ZNF415: variants seen among roughly 807,000 people sequenced by gnomAD.
ZNF415 encodes the protein zinc finger protein 415.
In ZNF415, 5 loss-of-function variants were observed where a neutral mutation model predicts 7.3. The ratio of observed to expected loss-of-function variants is 0.69; its 90% confidence interval spans 0.36 to 1.44. ZNF415 has a LOEUF of 1.44. ZNF415 is among the 40% of genes most tolerant of loss of function. The pLI is 0.04. For synonymous variants in ZNF415, 207 were observed against 226.3 expected (o/e 0.91, Z 0.77); for missense variants, 628 against 664.8 (o/e 0.94, Z 0.61).
At chr19:53,129,727 AG>A (rs1305976394) in intron 1 of ZNF415, 1 of 397,974 alleles carries the variant, frequency 2.5e-6, no homozygotes, top group African/African-American at 2.1e-5. Context: ...ACGACCTGGA[AG>A]GGCCAATGGG....
rs549765827 is a variant in ZNF415, at chr19:53,108,809, G to A, written c.1236C>T (p.Tyr412=). 1 of 1,614,050 alleles carries A rather than the reference G, an allele frequency of 6.2e-7. No homozygotes were observed. Residue 412 remains tyrosine, a synonymous_variant, in exon 4 of 4, where the codon TAC becomes TAT. Transcript: ENST00000243643. Reference sequence around the variant, plus strand: ...AAACCTTACCACATTCATTGCATTTGTAAGGTTTCTCTCCAGTATGAATTC... The same window carrying A: ...AAACCTTACCACATTCATTGCATTTATAAGGTTTCTCTCCAGTATGAATTC... The part of the protein sequence containing the change: ...HWRIHTGEKP[Y]KCNECGKVFS...
At chr19:53,111,193 G>A (rs2086179862) in intron 3 of ZNF415, among the ~76,000 whole-genome samples, 1 of 152,080 alleles carries the variant, frequency 6.6e-6, no homozygotes, top group African/African-American at 2.4e-5. Flanking sequence ...ATAAGAGCTT[G>A]TTTTCTCTTG....
intron 2 of ZNF415, among the ~76,000 whole-genome samples, chr19:53,121,851 A>G (rs1427234751): frequency 6.6e-6 from 1 of 152,188 alleles, no homozygotes; most frequent in Non-Finnish European, 1.5e-5. Flanking sequence ...AGTCAGAGAC[A>G]TACTGATATA....
intron 1 of ZNF415, among the ~76,000 whole-genome samples, chr19:53,130,682 C>T (rs941943796): frequency 4.6e-5 from 7 of 151,850 alleles, no homozygotes; most frequent in East Asian, 3.9e-4. Flanking sequence ...TTTTTTCAGA[C>T]GCAGTCTTGC....
At chr19:53,123,258 C>A (rs1473645694) in intron 1 of ZNF415, among the ~76,000 whole-genome samples, 1 of 152,082 alleles carries the variant, frequency 6.6e-6, no homozygotes, top group African/African-American at 2.4e-5. Context: ...TAGCTCTACT[C>A]ACATGTGGTC....
At chr19:53,119,971 A>C (rs1423995111) in intron 2 of ZNF415, among the ~76,000 whole-genome samples, 1 of 142,118 alleles carries the variant, frequency 7.0e-6, no homozygotes, top group Non-Finnish European at 1.5e-5. Flanking sequence ...CTTTCAAAGA[A>C]GAACTAAGAC....
chr19:53,116,533 A>T (rs2087057294), intron 2 of ZNF415, 100 bp from the exon 3 acceptor site: 1 of 1,480,918 alleles, frequency 6.8e-7, no homozygotes. Context: ...TATAGATTTA[A>T]TTGAAGTGTG....
intron 1 of ZNF415, among the ~76,000 whole-genome samples, chr19:53,127,451 C>T (rs964344809): frequency 6.6e-6 from 1 of 152,212 alleles, no homozygotes. Flanking sequence ...TGACTCCACC[C>T]CACACAAAAG....
chr19:53,114,161 G>A (rs936005909), intron 3 of ZNF415, among the ~76,000 whole-genome samples: 2 of 152,138 alleles, frequency 1.3e-5, no homozygotes, highest in African/African-American at 2.4e-5. Flanking sequence ...GACTCCAGGA[G>A]TGTGTATATC....
At chr19:53,130,596 A>G (rs950892775) in intron 1 of ZNF415, among the ~76,000 whole-genome samples, 2 of 152,220 alleles carry the variant, frequency 1.3e-5, no homozygotes, top group African/African-American at 4.8e-5. Context: ...TATACATGAG[A>G]TGAAAGGGAA....
intron 1 of ZNF415, among the ~76,000 whole-genome samples, chr19:53,126,231 A>C (rs1399072369): frequency 6.6e-6 from 1 of 151,376 alleles, no homozygotes; most frequent in Non-Finnish European, 1.5e-5. Flanking sequence ...AGGGCCCTTC[A>C]TGGAGACCAC....
chr19:53,116,296 A>C lies in ZNF415; in HGVS notation c.136+17T>G. 6.3e-7 allele frequency: 1 copy of C among 1,590,380 alleles called. No homozygotes were observed. The highest frequency in any genetic ancestry group is 1.7e-4 in the Middle Eastern group (1 of 5,936). On this transcript the variant is annotated intron_variant, in intron 3 of 3. Coordinates refer to ENST00000243643, the MANE Select transcript of ZNF415 (RefSeq NM_018355.4). ...ACCAAGGGCAGATTTTGACTTCTGG[A>C]AGAAAATTATCCTCACCCAGGGAGA...
rs536593751 is a variant in ZNF415 at position 53,132,847 on chromosome 19, G to T, written c.-68+9C>A. ...AGCGCAGGTTTAATCTACACAGAGG[G>T]TCACTCACGCTCGACGCCGTCACCT... On this transcript the variant is annotated intron_variant, in intron 1 of 3. Transcript: ENST00000243643. 6.6e-6 allele frequency: 1 copy of T among 152,360 alleles called. No homozygotes were observed. The highest frequency in any genetic ancestry group is 2.1e-4 in the South Asian group (1 of 4,826). The allele number at this position is 152,360 out of a possible 1,614,324, so 9.4% of individuals were successfully genotyped here.
rs1237925261 is a variant in ZNF415, at chr19:53,108,470, T to G, written c.1575A>C (p.Lys525Asn). The change falls in exon 4 of 4, where the codon AAA becomes AAC. Residue 525 changes from lysine to asparagine, a missense_variant. By Grantham distance (94) the Lys-to-Asn change is moderately conservative. Transcript: ENST00000243643. ...TAAAGGACTTCCCACAATCACTACA[T>G]TTGTAAGGTTTCTTTCCAGTATGGA... ...QIIHTGKKPY[K>N]CSDCGKSFSV... is the part of the protein sequence containing the mutation. 1 of 1,614,186 alleles carries G rather than the reference T, an allele frequency of 6.2e-7. No individual in the cohort carries two copies. The highest frequency in any genetic ancestry group is 1.1e-5 in the South Asian group (1 of 91,090).
intron 3 of ZNF415, among the ~76,000 whole-genome samples, chr19:53,110,360 G>A (rs529799031): frequency 1.3e-4 from 20 of 152,014 alleles, no homozygotes; most frequent in East Asian, 3.9e-4. Context: ...ACAAACTTAC[G>A]GAATAAGTAA....
In ZNF415 at chr19:53,122,763, G is replaced by A. The variant is rs764733746; in HGVS notation, c.-67-20C>T. 1.4e-5 allele frequency: 22 copies of A among 1,568,800 alleles called. No individual in the cohort carries two copies. The highest frequency in any genetic ancestry group is 2.7e-5 in the African/African-American group (2 of 73,770). Reference sequence around the variant, plus strand: ...TCAATGCTGAATAACAACAACAAGTGCTGTTTATTGCTTAGAAACAACACA... The same window carrying A: ...TCAATGCTGAATAACAACAACAAGTACTGTTTATTGCTTAGAAACAACACA... On this transcript the variant is annotated intron_variant, in intron 1 of 3. Coordinates refer to ENST00000243643, the MANE Select transcript of ZNF415 (RefSeq NM_018355.4).
chr19:53,109,817 A>G lies in ZNF415; in HGVS notation c.228T>C (p.His76=), dbSNP rs1225165269. 1.2e-6 allele frequency: 2 copies of G among 1,613,852 alleles called. No homozygotes were observed. The highest frequency in any genetic ancestry group is 1.7e-6 in the Non-Finnish European group (2 of 1,179,952). The change falls in exon 4 of 4, where the codon CAT becomes CAC. Residue 76 remains histidine (H), a synonymous_variant. Coordinates refer to ENST00000243643, the MANE Select transcript of ZNF415 (RefSeq NM_018355.4). ...EVFHTVTLEQ[H]EKHDIEEFCF... Reference sequence around the variant, plus strand: ...AAAACTCTTCAATGTCATGTTTTTCATGTTGTTCCAATGTCACTGTGTGGA... The same window carrying G: ...AAAACTCTTCAATGTCATGTTTTTCGTGTTGTTCCAATGTCACTGTGTGGA...
intron 2 of ZNF415, among the ~76,000 whole-genome samples, chr19:53,120,913 G>A (rs943819650): frequency 6.7e-6 from 1 of 149,784 alleles, no homozygotes; most frequent in African/African-American, 2.5e-5. Context: ...GTGAAACCCC[G>A]TCTCTACTAA....
intron 2 of ZNF415, among the ~76,000 whole-genome samples, chr19:53,121,428 C>CGTT: frequency 6.6e-6 from 1 of 150,572 alleles, no homozygotes; most frequent in African/African-American, 2.4e-5. Context: ...TTATTTTTGT[C>CGTT]GTTGTTGTTG....
Sources: gnomAD v4.1 joint callset for allele counts (sites outside exome capture counted in the v4.1 genomes callset) on GRCh38, gnomAD v4.1.1 for gene constraint, MANE v1.5 for transcripts, NCBI Gene and HGNC (gene_info 2026-07-23, HGNC 2026-07-21) for gene names.